Variants in NCKAP5 observed in about 807,000 individuals in gnomAD.
NCKAP5 encodes the protein NCK associated protein 5, also known as nck-associated protein 5.
A neutral mutation model predicts 167.0 loss-of-function variants in NCKAP5; 92 were observed. The ratio of observed to expected loss-of-function variants is 0.55; its 90% CI spans 0.47 to 0.66. The LOEUF (loss-of-function observed/expected upper bound fraction) is 0.66. Among genes scored for constraint, NCKAP5 ranks in the 30% least tolerant of loss-of-function variants. The pLI is 0.00. For synonymous variants in NCKAP5, 891 were observed against 877.4 expected, an observed-to-expected ratio of 1.02 and a Z score of -0.27; for missense variants, 2,378 against 2,315.0, an observed-to-expected ratio of 1.03 and a Z score of -0.56.
intron 2 of NCKAP5, among the ~76,000 whole-genome samples, chr2:133,521,611 A>C (rs1239920976): frequency 3.3e-5 from 5 of 152,164 alleles, no homozygotes; most frequent in Admixed American, 6.5e-5. Context: ...TTGCAGATGG[A>C]CATCTTCTCA....
At chr2:133,371,002 A>C (rs1212911325) in intron 3 of NCKAP5, among the ~76,000 whole-genome samples, 1 of 152,172 alleles carries the variant, frequency 6.6e-6, no homozygotes, top group East Asian at 1.9e-4. Flanking sequence ...AATGGCGACT[A>C]CCTGAAGAAA....
chr2:133,142,980 G>A (rs1415949814), intron 5 of NCKAP5, among the ~76,000 whole-genome samples: 1 of 152,058 alleles, frequency 6.6e-6, no homozygotes, highest in Non-Finnish European at 1.5e-5. Flanking sequence ...CATGAAGATG[G>A]AAAAGTGATT....
At chr2:133,498,487 GC>G (rs1682171242) in intron 3 of NCKAP5, among the ~76,000 whole-genome samples, 1 of 146,658 alleles carries the variant, frequency 6.8e-6, no homozygotes, top group African/African-American at 2.5e-5. Flanking sequence ...AGGAAGGCAG[GC>G]AGGCAGGCAG....
chr2:133,310,974 A>G (rs751055401), intron 3 of NCKAP5, among the ~76,000 whole-genome samples: 20 of 152,230 alleles, frequency 1.3e-4, no homozygotes, highest in Non-Finnish European at 2.1e-4. Flanking sequence ...TGCTTCTGAC[A>G]GCAGATGAAT....
chr2:133,583,543 C>G, the NCKAP5 span, among the ~76,000 whole-genome samples: 1 of 152,106 alleles, frequency 6.6e-6, no homozygotes, highest in African/African-American at 2.4e-5. Flanking sequence ...CCTCAATACT[C>G]CTTTATAGCG....
intron 3 of NCKAP5, among the ~76,000 whole-genome samples, chr2:133,344,433 A>G (rs1381549222): frequency 2.0e-5 from 3 of 151,840 alleles, no homozygotes; most frequent in African/African-American, 4.8e-5. Flanking sequence ...AGGGTAATAA[A>G]AACGCGAGGC....
chr2:133,428,020 T>C (rs1689921719), intron 3 of NCKAP5, among the ~76,000 whole-genome samples: 1 of 152,096 alleles, frequency 6.6e-6, no homozygotes. Flanking sequence ...ATAAAAGTGA[T>C]GATTGTTCCC....
At chr2:133,577,117 T>C in the NCKAP5 span, among the ~76,000 whole-genome samples, 1 of 152,146 alleles carries the variant, frequency 6.6e-6, no homozygotes, top group Non-Finnish European at 1.5e-5. Flanking sequence ...CACCAAATTA[T>C]GTCCAGTCCC....
At chr2:133,189,798 C>A (rs557323938) in intron 5 of NCKAP5, among the ~76,000 whole-genome samples, 1 of 152,306 alleles carries the variant, frequency 6.6e-6, no homozygotes, top group Non-Finnish European at 1.5e-5. Flanking sequence ...CTATTTATGA[C>A]AAACCCACAG....
chr2:133,403,521 G>T (rs1405292621), intron 3 of NCKAP5, among the ~76,000 whole-genome samples: 1 of 152,178 alleles, frequency 6.6e-6, no homozygotes, highest in Non-Finnish European at 1.5e-5. Flanking sequence ...AAGACTCATG[G>T]TTCAAGATGA....
intron 5 of NCKAP5, among the ~76,000 whole-genome samples, chr2:133,165,219 T>C (rs960962072): frequency 6.6e-6 from 1 of 152,132 alleles, no homozygotes; most frequent in Non-Finnish European, 1.5e-5. Context: ...AGATAAACCC[T>C]GACAAAAGCA....
At chr2:132,949,709 G>C (rs760823404) in intron 8 of NCKAP5, among the ~76,000 whole-genome samples, 1 of 152,018 alleles carries the variant, frequency 6.6e-6, no homozygotes, top group Non-Finnish European at 1.5e-5. Context: ...TTAAAAACAT[G>C]GCTCCCAAAC....
At chr2:132,843,625 C>T (rs1460547058) in intron 11 of NCKAP5, among the ~76,000 whole-genome samples, 5 of 151,636 alleles carry the variant, frequency 3.3e-5, no homozygotes, top group Non-Finnish European at 7.4e-5. Context: ...TATTCTCTAA[C>T]CCAATATGGC....
chr2:133,471,989 A>C (rs897616919), intron 3 of NCKAP5, among the ~76,000 whole-genome samples: 1 of 152,200 alleles, frequency 6.6e-6, no homozygotes, highest in Non-Finnish European at 1.5e-5. Flanking sequence ...GTAGAAATTT[A>C]ATTGAGTAAA....
chr2:133,159,379 T>C (rs2149928918), intron 5 of NCKAP5, among the ~76,000 whole-genome samples: 1 of 152,330 alleles, frequency 6.6e-6, no homozygotes, highest in African/African-American at 2.4e-5. Context: ...CAAAACTTGA[T>C]TTCAGCCTTG....
rs1423244275 is a variant in NCKAP5 at position 133,076,364 on chromosome 2, A to G, written c.341+53614T>C. ...ATCCAAGAATTTTGGTATTTGTGGA[A>G]GGTCCTGGAACCCATACCTCAGGGA... On this transcript the variant is annotated intron_variant, in intron 6 of 19. Transcript: ENST00000409261. Among the ~76,000 whole-genome samples the G allele has an allele frequency of 2.0e-5, 3 of 152,162 alleles. No individual in the cohort carries two copies. The East Asian group carries it at 5.8e-4, about 29-fold the overall frequency.
At chr2:133,010,816 T>A (rs2078132915) in intron 6 of NCKAP5, among the ~76,000 whole-genome samples, 1 of 152,190 alleles carries the variant, frequency 6.6e-6, no homozygotes, top group Non-Finnish European at 1.5e-5. Flanking sequence ...ATTTTGGAAA[T>A]ACATTAACTT....
intron 5 of NCKAP5, 31 bp from the exon 6 acceptor site, chr2:133,130,142 G>A (rs778687135): frequency 1.6e-5 from 26 of 1,586,156 alleles, no homozygotes; most frequent in South Asian, 1.3e-4. Context: ...ATGACTTTTA[G>A]GAAGGTGTTT....
intron 3 of NCKAP5, among the ~76,000 whole-genome samples, chr2:133,331,910 T>C (rs1395517225): frequency 3.3e-5 from 5 of 152,210 alleles, no homozygotes; most frequent in South Asian, 2.1e-4. Flanking sequence ...TTAGGCTGTT[T>C]CTTGGATGGG....
Sources: gnomAD v4.1 joint callset for allele counts (sites outside exome capture counted in the v4.1 genomes callset) on GRCh38, gnomAD v4.1.1 for gene constraint, MANE v1.5 for transcripts, NCBI Gene and HGNC (gene_info 2026-07-23, HGNC 2026-07-21) for gene names.